The following NRXN3 variants were observed in gnomAD, a reference collection of about 807,000 sequenced individuals.
The protein encoded by NRXN3 is neurexin III.
In NRXN3, 32 loss-of-function variants were observed where a neutral mutation model predicts 137.6. The observed-to-expected ratio is 0.23, with a 90% confidence interval of 0.18 to 0.31. NRXN3 has a LOEUF of 0.31. Among genes scored for constraint, NRXN3 ranks in the 10% least tolerant of loss-of-function variants. The pLI is 1.00. For missense variants in NRXN3, 1,574 were observed against 2,062.5 expected, an observed-to-expected ratio of 0.76 and a Z score of 4.59; for synonymous variants, 798 against 784.5, an observed-to-expected ratio of 1.02 and a Z score of -0.29.
intron 16 of NRXN3, among the ~76,000 whole-genome samples, chr14:79,498,942 G>A (rs981099443): frequency 3.3e-5 from 5 of 152,066 alleles, no homozygotes; most frequent in African/African-American, 9.7e-5. Context: ...ACACCATTAT[G>A]CCCAGTTAAC....
At chr14:78,556,871 CTCTCCTCTCCCCTCT>C (rs1252865308) in intron 4 of NRXN3, among the ~76,000 whole-genome samples, 43 of 148,420 alleles carry the variant, frequency 2.9e-4, no homozygotes, top group African/African-American at 1.0e-3. Context: ...CTCTCTTCTC[CTCTCCTCTCCCCTCT>C]TCTCCTCTCC....
intron 4 of NRXN3, among the ~76,000 whole-genome samples, chr14:78,376,573 G>A (rs762402890): frequency 3.9e-5 from 6 of 152,258 alleles, no homozygotes; most frequent in Middle Eastern, 3.4e-3. Context: ...CTTGGGACTC[G>A]TGGGAATACA....
chr14:78,307,077 A>G (rs1449309298), intron 4 of NRXN3, among the ~76,000 whole-genome samples: 1 of 152,214 alleles, frequency 6.6e-6, no homozygotes, highest in Admixed American at 6.5e-5. Context: ...ATCAGAAAAG[A>G]AAATGTGCTT....
In NRXN3 at chr14:79,449,045, G is replaced by A. The variant is rs115696306; in HGVS notation, c.3263-18176G>A. 5.7e-3 allele frequency among the ~76,000 whole-genome samples: 864 copies of A among 152,172 alleles called. 13 individuals are homozygous for A. Among genetic ancestry groups the A allele is most frequent in the African/African-American group, 0.02 (830 of 41,520 alleles). On this transcript the variant is annotated intron_variant, in intron 15 of 20. Transcript: ENST00000335750. ...TGCTGGAAAGACTGTAAATTCTCTC[G>A]CAGAACAAATGATAACTGAGCCCAG... is the stretch of plus-strand genomic sequence containing the variant.
At chr14:78,327,162 G>A (rs778987723) in intron 4 of NRXN3, among the ~76,000 whole-genome samples, 2 of 152,138 alleles carry the variant, frequency 1.3e-5, no homozygotes, top group African/African-American at 2.4e-5. Flanking sequence ...ATTGTTAATG[G>A]TATATCGAAA....
chr14:79,636,875 C>T (rs376711956), intron 16 of NRXN3, among the ~76,000 whole-genome samples: 23 of 152,318 alleles, frequency 1.5e-4, no homozygotes, highest in African/African-American at 4.8e-4. Context: ...CTGCTCTGTC[C>T]TCTTCACTTC....
intron 16 of NRXN3, among the ~76,000 whole-genome samples, chr14:79,532,132 T>C (rs958614248): frequency 2.0e-5 from 3 of 152,158 alleles, no homozygotes; most frequent in African/African-American, 7.2e-5. Context: ...AAATCTTGTG[T>C]TCTAAAGGGA....
intron 1 of NRXN3, among the ~76,000 whole-genome samples, chr14:78,201,358 A>G (rs904731411): frequency 6.6e-6 from 1 of 152,132 alleles, no homozygotes; most frequent in Non-Finnish European, 1.5e-5. Context: ...CCCTAACCCC[A>G]TGTCTTCTCC....
chr14:79,409,617 C>CTCTA (rs1567045599), intron 15 of NRXN3, among the ~76,000 whole-genome samples: 2 of 112,112 alleles, frequency 1.8e-5, no homozygotes, highest in South Asian at 6.3e-4. Context: ...GTGTGTGTGT[C>CTCTA]TATATATATA....
chr14:79,019,807 T>C (rs2099585676), intron 15 of NRXN3, among the ~76,000 whole-genome samples: 1 of 151,992 alleles, frequency 6.6e-6, no homozygotes, highest in Admixed American at 6.6e-5. Context: ...TGACAGTGGA[T>C]TGGTGAGAAC....
At chr14:79,618,875 T>C (rs1027886435) in intron 16 of NRXN3, among the ~76,000 whole-genome samples, 1 of 152,124 alleles carries the variant, frequency 6.6e-6, no homozygotes, top group Admixed American at 6.6e-5. Context: ...TGTTTGTTTG[T>C]TTTTCACTTT....
chr14:79,862,048 T>C lies in NRXN3; in HGVS notation c.*84T>C. 8.6e-7 allele frequency: 1 copy of C among 1,165,188 alleles called. No homozygotes were observed. Among genetic ancestry groups the C allele is most frequent in the African/African-American group, 1.5e-5 (1 of 64,604 alleles). The allele number at this position is 1,165,188 out of a possible 1,614,324, so 72.2% of individuals were successfully genotyped here. A position where few individuals can be genotyped will look rare whatever the true frequency, so the allele number is the denominator to read the frequency against. ...TCTTTGGACGGTGAGATCTCACAGATGTCAGAACTGCTGGAACTATGAAAT... is the reference window on the plus strand; with the variant it reads ...TCTTTGGACGGTGAGATCTCACAGACGTCAGAACTGCTGGAACTATGAAAT... On this transcript the variant is annotated 3_prime_UTR_variant, in exon 21 of 21. Coordinates refer to ENST00000335750, the MANE Select transcript of NRXN3 (RefSeq NM_001330195.2).
chr14:78,976,380 T>C (rs904058317), intron 14 of NRXN3, among the ~76,000 whole-genome samples: 11 of 152,176 alleles, frequency 7.2e-5, no homozygotes, highest in South Asian at 4.1e-4. Context: ...CCATTGGATC[T>C]GGGTGCTAAG....
chr14:78,353,306 T>C (rs1047343224), intron 4 of NRXN3, among the ~76,000 whole-genome samples: 3 of 152,220 alleles, frequency 2.0e-5, no homozygotes, highest in African/African-American at 7.2e-5. Context: ...ATACCGTAGA[T>C]TGAGTGGCTT....
intron 4 of NRXN3, among the ~76,000 whole-genome samples, chr14:78,328,041 G>A (rs1232472853): frequency 6.6e-6 from 1 of 152,118 alleles, no homozygotes; most frequent in Non-Finnish European, 1.5e-5. Flanking sequence ...CCCTCTCTAA[G>A]CAGAAACATT....
At chr14:78,870,987 A>C (rs2099099959) in intron 10 of NRXN3, among the ~76,000 whole-genome samples, 1 of 150,208 alleles carries the variant, frequency 6.7e-6, no homozygotes, top group South Asian at 2.1e-4. Flanking sequence ...GGTTGATTTC[A>C]TATCTTGTCT....
At chr14:78,991,656 C>T (rs886738176) in intron 15 of NRXN3, among the ~76,000 whole-genome samples, 2 of 152,190 alleles carry the variant, frequency 1.3e-5, no homozygotes, top group African/African-American at 4.8e-5. Context: ...CTAAATCCAT[C>T]ATGTGTAAAA....
chr14:79,310,248 T>A (rs1383283515), intron 15 of NRXN3, among the ~76,000 whole-genome samples: 1 of 113,814 alleles, frequency 8.8e-6, no homozygotes, highest in East Asian at 2.7e-4. Context: ...GTTGTAGATA[T>A]GTGGCATTAT....
chr14:79,514,694 C>A (rs1230353359), intron 16 of NRXN3, among the ~76,000 whole-genome samples: 1 of 152,104 alleles, frequency 6.6e-6, no homozygotes, highest in African/African-American at 2.4e-5. Flanking sequence ...ATAATTTTAT[C>A]ATGGGTGCTA....
Sources: allele counts gnomAD v4.1 joint callset (sites outside exome capture counted in the v4.1 genomes callset), GRCh38; gene constraint gnomAD v4.1.1; transcripts MANE v1.5; gene names NCBI Gene and HGNC (gene_info 2026-07-23, HGNC 2026-07-21).